RPTOR: variants seen among roughly 807,000 people sequenced by gnomAD.
RPTOR encodes regulatory-associated protein of mTOR.
A neutral mutation model predicts 169.9 loss-of-function variants in RPTOR; 21 were observed. The observed-to-expected ratio is 0.12, with a 90% CI of 0.09 to 0.18. The LOEUF (loss-of-function observed/expected upper bound fraction) is 0.18, where lower values mean the gene tolerates loss of function less well. Ranked by LOEUF, RPTOR falls within the 10% of genes least tolerant of loss-of-function variation. The pLI is 1.00. For missense variants in RPTOR, 1,133 were observed against 1,855.9 expected (o/e 0.61, Z 7.16); for synonymous variants, 732 against 753.2 (o/e 0.97, Z 0.46).
At chr17:80,922,054 A>G (rs1456019207) in intron 21 of RPTOR, among the ~76,000 whole-genome samples, 3 of 152,198 alleles carry the variant, frequency 2.0e-5, no homozygotes, top group Non-Finnish European at 4.4e-5. Flanking sequence ...AGCCCCCTGC[A>G]GTCATTCTCT....
intron 5 of RPTOR, among the ~76,000 whole-genome samples, chr17:80,739,998 C>T (rs568432931): frequency 4.6e-5 from 7 of 151,744 alleles, no homozygotes; most frequent in Non-Finnish European, 8.8e-5. Context: ...AGCTGATTCT[C>T]AGAAAAAAAA....
At chr17:80,955,954 T>C (rs913213899) in intron 28 of RPTOR, among the ~76,000 whole-genome samples, 3 of 152,222 alleles carry the variant, frequency 2.0e-5, no homozygotes, top group Non-Finnish European at 2.9e-5. Context: ...AACGCAAGAT[T>C]AAATGAGTTA....
intron 10 of RPTOR, 96 bp from the exon 11 acceptor site, chr17:80,846,377 G>A (rs1029789668): frequency 5.5e-6 from 7 of 1,274,814 alleles, no homozygotes; most frequent in African/African-American, 2.9e-5. Context: ...CGGGCCCTTC[G>A]TGAAGGCTTG....
intron 1 of RPTOR, among the ~76,000 whole-genome samples, chr17:80,588,030 C>G (rs1481995118): frequency 6.6e-6 from 1 of 151,974 alleles, no homozygotes; most frequent in Non-Finnish European, 1.5e-5. Flanking sequence ...GGTGTTTGTC[C>G]TTCTGTGGCT....
chr17:80,677,270 A>G (rs1485782904), intron 3 of RPTOR, among the ~76,000 whole-genome samples: 1 of 152,196 alleles, frequency 6.6e-6, no homozygotes, highest in East Asian at 1.9e-4. Flanking sequence ...TTCAGCTGTC[A>G]TAACTCTTCT....
intron 24 of RPTOR, among the ~76,000 whole-genome samples, chr17:80,935,956 C>T (rs1422615394): frequency 2.6e-5 from 4 of 152,116 alleles, no homozygotes; most frequent in Admixed American, 6.5e-5. Context: ...TTATAAAACA[C>T]GTAAGATTAA....
intron 21 of RPTOR, among the ~76,000 whole-genome samples, chr17:80,911,238 C>T (rs2068609790): frequency 6.6e-6 from 1 of 152,140 alleles, no homozygotes; most frequent in Non-Finnish European, 1.5e-5. Flanking sequence ...GCGGACTCTG[C>T]CACTTCCTTC....
intron 3 of RPTOR, among the ~76,000 whole-genome samples, chr17:80,660,413 T>A (rs1272018158): frequency 6.6e-6 from 1 of 152,192 alleles, no homozygotes; most frequent in Non-Finnish European, 1.5e-5. Flanking sequence ...AGTTTTTTCC[T>A]TAGTGACATA....
chr17:80,669,879 C>T (rs919939851), intron 3 of RPTOR, among the ~76,000 whole-genome samples: 3 of 152,124 alleles, frequency 2.0e-5, no homozygotes, highest in Non-Finnish European at 2.9e-5. Context: ...GTTCTTCAGT[C>T]GTCACTTTCA....
At chr17:80,584,820 C>T (rs772336745) in intron 1 of RPTOR, among the ~76,000 whole-genome samples, 1 of 152,140 alleles carries the variant, frequency 6.6e-6, no homozygotes, top group South Asian at 2.1e-4. Context: ...TGAGTTAAAT[C>T]GAGGCTGTGG....
At chr17:80,917,300 ACGGG>A (rs2068686128) in intron 21 of RPTOR, among the ~76,000 whole-genome samples, 1 of 151,864 alleles carries the variant, frequency 6.6e-6, no homozygotes, top group Admixed American at 6.6e-5. Context: ...TTTAGTAGAG[ACGGG>A]GTTTCACCAT....
Position 80,936,640 on chromosome 17 carries a change from C to CTT in RPTOR, c.2920-3856_2920-3855insTT, listed in dbSNP as rs2068957657. Among the ~76,000 whole-genome samples the CTT allele has an allele frequency of 1.3e-5, 2 of 151,930 alleles. No individual in the cohort carries two copies. Among genetic ancestry groups the CTT allele is most frequent in the Non-Finnish European group, 2.9e-5 (2 of 67,908 alleles). ...CATGTATACAACATTCCAGGGAAGG[C>CTT]AAAACTGTGTGGAACTGTTCTATAT... On this transcript the variant is annotated intron_variant, in intron 24 of 33. Coordinates refer to ENST00000306801, the MANE Select transcript of RPTOR (RefSeq NM_020761.3). This position sits in a 1 kb window ranked among gnomAD's most constrained non-coding sequence, Gnocchi z 4.1.
At position 80,652,116 on chromosome 17, in the gene RPTOR, G is replaced by A. The variant is rs371196616; in HGVS notation, c.348+8306G>A. Among the ~76,000 whole-genome samples the A allele has an allele frequency of 4.0e-5, 6 of 151,636 alleles. No individual in the cohort carries two copies. The East Asian group carries it at 9.7e-4, about 25-fold the overall frequency. ...ACCTGGGAGGTGGAGGTTGTAGTAA[G>A]CCGAGATCACGCCACTGCACTCCAG... On this transcript the variant is annotated intron_variant, in intron 3 of 33. Coordinates refer to ENST00000306801, the MANE Select transcript of RPTOR (RefSeq NM_020761.3).
At chr17:80,727,160 A>G (rs2066344110) in intron 4 of RPTOR, among the ~76,000 whole-genome samples, 1 of 148,488 alleles carries the variant, frequency 6.7e-6, no homozygotes, top group African/African-American at 2.5e-5. Context: ...TGCTCCGAGA[A>G]CGTGAACTCT....
At chr17:80,858,015 C>T in intron 13 of RPTOR, 115 bp downstream of exon 13, 2 of 804,614 alleles carry the variant, frequency 2.5e-6, no homozygotes, top group Middle Eastern at 2.2e-4. Context: ...TCTCCAGGCA[C>T]CGCCGTTCCC....
intron 6 of RPTOR, among the ~76,000 whole-genome samples, chr17:80,756,516 T>C (rs887502242): frequency 3.3e-5 from 5 of 152,178 alleles, no homozygotes; most frequent in Non-Finnish European, 7.4e-5. Flanking sequence ...ACACAAAAGA[T>C]AGAAGGTGGA....
chr17:80,935,288 A>G (rs1227016346), intron 24 of RPTOR, among the ~76,000 whole-genome samples: 1 of 152,232 alleles, frequency 6.6e-6, no homozygotes, highest in African/African-American at 2.4e-5. Context: ...CCCTAAATTG[A>G]TACATAGATC....
intron 3 of RPTOR, among the ~76,000 whole-genome samples, chr17:80,647,940 G>T (rs1396822332): frequency 6.6e-6 from 1 of 152,178 alleles, no homozygotes; most frequent in Non-Finnish European, 1.5e-5. Context: ...GATTTTGAAT[G>T]TCAGCTTCCC....
chr17:80,584,899 T>C (rs1027878781), intron 1 of RPTOR, among the ~76,000 whole-genome samples: 1 of 152,244 alleles, frequency 6.6e-6, no homozygotes, highest in Non-Finnish European at 1.5e-5. Flanking sequence ...ACTGGCAAGA[T>C]GTTACCAGAA....
Sources: gnomAD v4.1 joint callset for allele counts (sites outside exome capture counted in the v4.1 genomes callset) on GRCh38, gnomAD v4.1.1 for gene constraint, Gnocchi (gnomAD v3.1) non-coding constraint, MANE v1.5 for transcripts, NCBI Gene and HGNC (gene_info 2026-07-23, HGNC 2026-07-21) for gene names.